The following GALNTL6 variants were observed in gnomAD, a reference collection of about 807,000 sequenced individuals.
GALNTL6 encodes the protein polypeptide N-acetylgalactosaminyltransferase-like 6.
GALNTL6 carries 46 observed loss-of-function variants against 73.7 expected under a neutral mutation model. The ratio of observed to expected loss-of-function variants is 0.62; its 90% confidence interval spans 0.49 to 0.80. The LOEUF is 0.80. GALNTL6 is among the 30% of genes least tolerant of loss of function. The pLI is 0.00. For missense variants in GALNTL6, 604 were observed against 755.0 expected (o/e 0.80, Z 2.34); for synonymous variants, 259 against 263.7 (o/e 0.98, Z 0.17).
At chr4:172,405,803 C>T (rs939647683) in intron 5 of GALNTL6, among the ~76,000 whole-genome samples, 6 of 151,742 alleles carry the variant, frequency 4.0e-5, no homozygotes, top group African/African-American at 1.5e-4. Context: ...CTGTGCTTAT[C>T]CTAACATGAA....
At chr4:173,029,066 A>C (rs1348159013) in intron 12 of GALNTL6, among the ~76,000 whole-genome samples, 3 of 152,202 alleles carry the variant, frequency 2.0e-5, no homozygotes, top group African/African-American at 7.2e-5. Flanking sequence ...TGCCAGATAG[A>C]AGGGCTCGAG....
intron 5 of GALNTL6, among the ~76,000 whole-genome samples, chr4:172,480,379 T>C (rs1246685464): frequency 6.6e-6 from 1 of 152,222 alleles, no homozygotes; most frequent in Non-Finnish European, 1.5e-5. Context: ...TTAACTAATG[T>C]AAATTCTGAC....
chr4:172,673,755 G>T (rs969843551), intron 5 of GALNTL6, among the ~76,000 whole-genome samples: 1 of 151,928 alleles, frequency 6.6e-6, no homozygotes, highest in African/African-American at 2.4e-5. Flanking sequence ...TGACTGTTTT[G>T]GTTTAAAGTC....
intron 2 of GALNTL6, among the ~76,000 whole-genome samples, chr4:172,174,378 C>T (rs1345938120): frequency 6.6e-6 from 1 of 152,076 alleles, no homozygotes; most frequent in Non-Finnish European, 1.5e-5. Context: ...TTTTTCTTTT[C>T]ATTTTTCCCT....
intron 2 of GALNTL6, among the ~76,000 whole-genome samples, chr4:171,929,477 C>T (rs1310150451): frequency 6.6e-6 from 1 of 152,142 alleles, no homozygotes; most frequent in Non-Finnish European, 1.5e-5. Flanking sequence ...GCCCCAGACC[C>T]CCACCCCGCC....
At chr4:171,901,570 A>C (rs991303157) in intron 2 of GALNTL6, among the ~76,000 whole-genome samples, 14 of 152,218 alleles carry the variant, frequency 9.2e-5, no homozygotes, top group Admixed American at 2.6e-4. Flanking sequence ...GCATCTCAGG[A>C]CCAGACCATG....
At chr4:171,926,162 T>C (rs2110988097) in intron 2 of GALNTL6, among the ~76,000 whole-genome samples, 1 of 152,230 alleles carries the variant, frequency 6.6e-6, no homozygotes, top group Non-Finnish European at 1.5e-5. Flanking sequence ...ATTATATGCT[T>C]AAATTGCTAC....
In GALNTL6 at chr4:171,814,736, A is replaced by G. The variant is rs1464476235; in HGVS notation, c.138+18A>G. ...AGCAGCAGGTAAGTGCCACCCAGAGAAAGATCACACAAGGATTGGTAAGGC... is the reference window on the plus strand; with the variant it reads ...AGCAGCAGGTAAGTGCCACCCAGAGGAAGATCACACAAGGATTGGTAAGGC... On this transcript the variant is annotated intron_variant, in intron 2 of 12. Transcript: ENST00000506823. The G allele has an allele frequency of 1.2e-6, 2 of 1,612,940 alleles. No individual in the cohort carries two copies. The highest frequency in any genetic ancestry group is 1.7e-6 in the Non-Finnish European group (2 of 1,179,800).
At chr4:171,901,535 G>T (rs984818825) in intron 2 of GALNTL6, among the ~76,000 whole-genome samples, 2 of 152,134 alleles carry the variant, frequency 1.3e-5, no homozygotes, top group Non-Finnish European at 2.9e-5. Flanking sequence ...TGTAATCAGA[G>T]CAATTGCATG....
intron 5 of GALNTL6, among the ~76,000 whole-genome samples, chr4:172,598,104 A>G (rs1012760385): frequency 2.6e-5 from 4 of 152,116 alleles, no homozygotes; most frequent in Non-Finnish European, 5.9e-5. Flanking sequence ...GTCTTATTGC[A>G]TGACAAAATG....
intron 11 of GALNTL6, among the ~76,000 whole-genome samples, chr4:173,014,880 T>C (rs1579783303): frequency 1.3e-5 from 2 of 152,148 alleles, no homozygotes; most frequent in East Asian, 1.9e-4. Flanking sequence ...CATTGTGATA[T>C]GGTTTGGCTG....
intron 2 of GALNTL6, among the ~76,000 whole-genome samples, chr4:171,853,699 C>A (rs578008057): frequency 1.4e-5 from 2 of 143,390 alleles, no homozygotes; most frequent in African/African-American, 5.1e-5. Flanking sequence ...CAATCTCTGC[C>A]TCCCTAGGTC....
At chr4:172,377,087 C>T (rs1213003330) in intron 5 of GALNTL6, among the ~76,000 whole-genome samples, 10 of 152,150 alleles carry the variant, frequency 6.6e-5, no homozygotes, top group Admixed American at 6.5e-5. Context: ...CCACTGCTGG[C>T]TCGGGCAGCC....
At chr4:172,293,442 A>G (rs1210873949) in intron 3 of GALNTL6, among the ~76,000 whole-genome samples, 1 of 14,870 alleles carries the variant, frequency 6.7e-5, no homozygotes, top group Non-Finnish European at 6.1e-3. Flanking sequence ...ACTCAATACA[A>G]TGAAAAACCT....
intron 2 of GALNTL6, among the ~76,000 whole-genome samples, chr4:171,834,282 A>C (rs1735046893): frequency 6.6e-6 from 1 of 152,022 alleles, no homozygotes; most frequent in Non-Finnish European, 1.5e-5. Flanking sequence ...CTCATAAGTC[A>C]GATGAAGAAA....
At chr4:172,160,907 CACAT>C (rs1228344346) in intron 2 of GALNTL6, among the ~76,000 whole-genome samples, 252 of 54,110 alleles carry the variant, frequency 4.7e-3, no homozygotes, top group African/African-American at 0.02. Flanking sequence ...CACACACACA[CACAT>C]ACACACACAC....
At chr4:172,340,192 T>C (rs1490879255) in intron 4 of GALNTL6, among the ~76,000 whole-genome samples, 2 of 152,200 alleles carry the variant, frequency 1.3e-5, no homozygotes, top group Non-Finnish European at 2.9e-5. Flanking sequence ...TGTGAGAGTC[T>C]TTAACTTAAA....
chr4:172,586,610 G>A (rs1447733302), intron 5 of GALNTL6, among the ~76,000 whole-genome samples: 2 of 152,124 alleles, frequency 1.3e-5, no homozygotes, highest in African/African-American at 4.8e-5. Flanking sequence ...CTGGATGCAG[G>A]GAATGGTGAA....
intron 3 of GALNTL6, among the ~76,000 whole-genome samples, chr4:172,286,176 T>A (rs1361543338): frequency 6.6e-6 from 1 of 152,178 alleles, no homozygotes; most frequent in African/African-American, 2.4e-5. Flanking sequence ...TTCTTGCTAG[T>A]TTGTCTGATA....
Sources: allele counts gnomAD v4.1 joint callset (sites outside exome capture counted in the v4.1 genomes callset), GRCh38; gene constraint gnomAD v4.1.1; transcripts MANE v1.5; gene names NCBI Gene and HGNC (gene_info 2026-07-23, HGNC 2026-07-21).